Variants in DSE observed in about 807,000 individuals in gnomAD.
The protein encoded by DSE is dermatan-sulfate epimerase.
In DSE, 36 loss-of-function variants were observed where a neutral mutation model predicts 84.4. The observed-to-expected ratio is 0.43, with a 90% CI of 0.33 to 0.56. DSE has a LOEUF of 0.56. Among genes scored for constraint, DSE ranks in the 20% least tolerant of loss-of-function variants. DSE has a pLI of 0.06. For missense variants in DSE, 862 were observed against 1,169.6 expected (o/e 0.74, Z 3.84); for synonymous variants, 410 against 430.1 (o/e 0.95, Z 0.58).
intron 2 of DSE, among the ~76,000 whole-genome samples, chr6:116,282,834 A>AT (rs1165662849): frequency 8.6e-5 from 13 of 151,276 alleles, no homozygotes; most frequent in South Asian, 6.2e-4. Context: ...TTTATGTCCT[A>AT]TTTTTTTTTA....
At chr6:116,340,527 A>G (rs1381371482) in intron 2 of DSE, among the ~76,000 whole-genome samples, 1 of 152,072 alleles carries the variant, frequency 6.6e-6, no homozygotes, top group African/African-American at 2.4e-5. Flanking sequence ...TCTAGGGTAT[A>G]TGAGCACAAC....
chr6:116,312,848 C>T (rs987393644), intron 2 of DSE, among the ~76,000 whole-genome samples: 4 of 151,662 alleles, frequency 2.6e-5, no homozygotes, highest in African/African-American at 4.9e-5. Flanking sequence ...CTGCCAAGTC[C>T]CTGCCTTACA....
In DSE at chr6:116,273,437, A is replaced by T. The variant is rs532085448; in HGVS notation, c.-54+14470A>T. ...AAGATGGCCCTTCAGAGCTCAAAGC[A>T]CTTAACATGGAGAAAGTACTGCTTC... On this transcript the variant is annotated intron_variant, in intron 2 of 3. Transcript: ENST00000430252. 7.2e-5 allele frequency among the ~76,000 whole-genome samples: 11 copies of T among 152,332 alleles called. No individual in the cohort carries two copies. In the East Asian group the frequency reaches 1.3e-3, roughly 19 times the overall value.
intron 2 of DSE, among the ~76,000 whole-genome samples, chr6:116,281,155 A>G (rs1474008492): frequency 6.6e-6 from 1 of 152,130 alleles, no homozygotes; most frequent in Non-Finnish European, 1.5e-5. Flanking sequence ...GAGGGAAGGA[A>G]TGGTGGAGAA....
At chr6:116,345,894 A>C (rs1300428559) in intron 2 of DSE, among the ~76,000 whole-genome samples, 1 of 152,208 alleles carries the variant, frequency 6.6e-6, no homozygotes, top group African/African-American at 2.4e-5. Flanking sequence ...AGAAGAAAAG[A>C]GAGAAGAATC....
intron 1 of DSE, among the ~76,000 whole-genome samples, chr6:116,386,939 A>G (rs1475380081): frequency 1.3e-5 from 2 of 152,218 alleles, no homozygotes; most frequent in Non-Finnish European, 2.9e-5. Context: ...GAGTAAACTT[A>G]TAGTATCTTA....
At chr6:116,297,521 G>A (rs933527863) in intron 2 of DSE, among the ~76,000 whole-genome samples, 2 of 152,146 alleles carry the variant, frequency 1.3e-5, no homozygotes, top group Non-Finnish European at 2.9e-5. Context: ...ACTAATTTTA[G>A]TGAATTCTAA....
intron 2 of DSE, chr6:116,278,422 G>A: frequency 1.3e-6 from 2 of 1,551,170 alleles, no homozygotes; most frequent in South Asian, 1.1e-5. Flanking sequence ...CAAAAACAAA[G>A]CACAATAGAA....
At chr6:116,398,372 G>A (rs1206717619) in intron 1 of DSE, among the ~76,000 whole-genome samples, 2 of 152,190 alleles carry the variant, frequency 1.3e-5, no homozygotes, top group Non-Finnish European at 2.9e-5. Flanking sequence ...TGTGAACTTT[G>A]TTTACATTTC....
chr6:116,399,682 GTTC>G lies in DSE; in HGVS notation c.416+22_416+24del, dbSNP rs1399505144. On this transcript the variant is annotated intron_variant, in intron 2 of 5. Coordinates refer to ENST00000644252, the MANE Select transcript of DSE (RefSeq NM_013352.4). Reference sequence around the variant, plus strand: ...AGCCTAGTTGGTAGATTTTTGTCTTGTTCTTCTTACTGTGGTAACTCTGCATTA... The same window carrying G: ...AGCCTAGTTGGTAGATTTTTGTCTTGTTCTTACTGTGGTAACTCTGCATTA... 5.6e-6 allele frequency: 9 copies of G among 1,605,532 alleles called. No individual in the cohort carries two copies. The highest frequency in any genetic ancestry group is 3.4e-5 in the Admixed American group (2 of 59,428).
At chr6:116,324,816 T>C (rs759833103) in intron 2 of DSE, among the ~76,000 whole-genome samples, 1 of 152,184 alleles carries the variant, frequency 6.6e-6, no homozygotes, top group African/African-American at 2.4e-5. Context: ...TAGAATATTA[T>C]AGGGGGAGAG....
intron 2 of DSE, among the ~76,000 whole-genome samples, chr6:116,339,344 C>A (rs1777454653): frequency 6.7e-6 from 1 of 150,154 alleles, no homozygotes; most frequent in Non-Finnish European, 1.5e-5. Flanking sequence ...TGGTTTATTT[C>A]AGTGGAATTG....
At chr6:116,280,395 A>G (rs918948601) in intron 2 of DSE, 6 of 181,226 alleles carry the variant, frequency 3.3e-5, no homozygotes, top group South Asian at 9.9e-5. Context: ...TTACTGGGGA[A>G]AAAAAGCTAC....
At chr6:116,370,625 T>C (rs983277378), upstream of DSE, 1 of 750,410 alleles carries the variant, frequency 1.3e-6, no homozygotes, top group Non-Finnish European at 1.6e-6. Flanking sequence ...AGCGTTTGAG[T>C]CCTAAGAAAC....
chr6:116,365,778 C>G (rs982933911), upstream of DSE, among the ~76,000 whole-genome samples: 2 of 152,086 alleles, frequency 1.3e-5, no homozygotes, highest in Admixed American at 6.6e-5. Context: ...TAATATGCAC[C>G]CAGGGGTTAG....
At chr6:116,419,525 T>C (rs1782938914) in intron 2 of DSE, among the ~76,000 whole-genome samples, 1 of 152,232 alleles carries the variant, frequency 6.6e-6, no homozygotes, top group South Asian at 2.1e-4. Context: ...ATTTTTAAAA[T>C]AGAGTTGACC....
chr6:116,295,386 C>T (rs2114686164), intron 2 of DSE, among the ~76,000 whole-genome samples: 1 of 152,190 alleles, frequency 6.6e-6, no homozygotes, highest in East Asian at 1.9e-4. Context: ...TCCTATTAAA[C>T]CCTGACTACA....
intron 2 of DSE, among the ~76,000 whole-genome samples, chr6:116,315,549 G>A (rs1295068341): frequency 1.3e-5 from 2 of 152,094 alleles, no homozygotes; most frequent in East Asian, 3.8e-4. Context: ...CACCAAGATA[G>A]TAGTGGGGCA....
intron 2 of DSE, among the ~76,000 whole-genome samples, chr6:116,296,612 G>A (rs1774681461): frequency 6.6e-6 from 1 of 152,254 alleles, no homozygotes; most frequent in African/African-American, 2.4e-5. Context: ...AGATCCACTA[G>A]GAATTACATT....
Sources: allele counts gnomAD v4.1 joint callset (sites outside exome capture counted in the v4.1 genomes callset), GRCh38; gene constraint gnomAD v4.1.1; transcripts MANE v1.5; gene names NCBI Gene and HGNC (gene_info 2026-07-23, HGNC 2026-07-21).